Variants in AGBL1 observed in about 807,000 individuals in gnomAD.
AGBL1 encodes cytosolic carboxypeptidase 4.
AGBL1 carries 130 observed loss-of-function variants against 118.9 expected under a neutral mutation model. That is an observed-to-expected ratio of 1.09 (90% CI 0.95 to 1.26). AGBL1 has a LOEUF of 1.26. Ranked by LOEUF, AGBL1 falls within the 50% of genes most tolerant of loss-of-function variation. The pLI is 0.00. For synonymous variants in AGBL1, 555 were observed against 478.9 expected (o/e 1.16, Z -2.08); for missense variants, 1,584 against 1,298.1 (o/e 1.22, Z -3.38).
intron 13 of AGBL1, among the ~76,000 whole-genome samples, 157 bp downstream of exon 13, chr15:86,267,233 G>A (rs569204753): frequency 6.6e-6 from 1 of 152,278 alleles, no homozygotes; most frequent in South Asian, 2.1e-4. Context: ...AACAGTACGA[G>A]TGAAGGTTTT....
intron 18 of AGBL1, among the ~76,000 whole-genome samples, chr15:86,400,636 G>A (rs564733854): frequency 1.4e-5 from 2 of 143,028 alleles, no homozygotes; most frequent in South Asian, 4.4e-4. Flanking sequence ...AGTCCCCAAA[G>A]TCCAGTATAT....
intron 15 of AGBL1, among the ~76,000 whole-genome samples, chr15:86,272,302 G>T (rs965096530): frequency 6.6e-6 from 1 of 152,188 alleles, no homozygotes; most frequent in Admixed American, 6.5e-5. Context: ...TTTGATGAAA[G>T]AAATGCATTC....
intron 20 of AGBL1, 30 bp downstream of exon 20, chr15:86,546,163 A>T: frequency 6.3e-7 from 1 of 1,595,178 alleles, no homozygotes; most frequent in Non-Finnish European, 8.6e-7. Flanking sequence ...GACATCAGAC[A>T]TGCTGTGTTC....
At chr15:86,904,794 A>G (rs1489271267) in intron 22 of AGBL1, among the ~76,000 whole-genome samples, 1 of 150,378 alleles carries the variant, frequency 6.6e-6, no homozygotes, top group East Asian at 1.9e-4. Context: ...ATTAAAAAGT[A>G]ATTCCACAAA....
intron 18 of AGBL1, among the ~76,000 whole-genome samples, chr15:86,410,669 C>A (rs1450760263): frequency 6.7e-6 from 1 of 150,268 alleles, no homozygotes; most frequent in Non-Finnish European, 1.5e-5. Context: ...CTATGTTCTT[C>A]TCAATGGTAG....
intron 17 of AGBL1, among the ~76,000 whole-genome samples, chr15:86,343,003 AT>A (rs1293375640): frequency 1.3e-5 from 2 of 152,162 alleles, no homozygotes; most frequent in Non-Finnish European, 2.9e-5. Context: ...CACCATTCAG[AT>A]TGGCATATAC....
chr15:86,436,850 G>C (rs2082006269), intron 18 of AGBL1, among the ~76,000 whole-genome samples: 1 of 152,122 alleles, frequency 6.6e-6, no homozygotes, highest in Non-Finnish European at 1.5e-5. Flanking sequence ...TATGGTTCTG[G>C]AAAATAACTA....
chr15:86,099,371 G>T (rs1896571970), intron 1 of AGBL1, among the ~76,000 whole-genome samples: 2 of 152,060 alleles, frequency 1.3e-5, no homozygotes, highest in African/African-American at 4.8e-5. Flanking sequence ...TGTTATTGGT[G>T]TATAAAAATG....
At position 86,158,820 on chromosome 15, in the gene AGBL1, G is replaced by A; in HGVS notation, c.395-113G>A. The A allele has an allele frequency of 3.6e-6, 3 of 843,012 alleles. No individual in the cohort carries two copies. In the South Asian group the frequency reaches 4.5e-5, roughly 13 times the overall value. The allele number at this position is 843,012 out of a possible 1,614,324, so 52.2% of individuals were successfully genotyped here. ...GCAACCAGGGTGGAAAAGAAAGGGAGCTATCTTGTTTATCAAGTTGCCCCT... is the reference window on the plus strand; with the variant it reads ...GCAACCAGGGTGGAAAAGAAAGGGAACTATCTTGTTTATCAAGTTGCCCCT... On this transcript the variant is annotated intron_variant, in intron 4 of 22. Coordinates refer to ENST00000614907, the MANE Select transcript of AGBL1 (RefSeq NM_001386094.1).
Position 86,256,851 on chromosome 15 carries a change from A to G in AGBL1, c.736-2A>G, listed in dbSNP as rs540734125. 2 of 1,613,740 alleles carry G rather than the reference A, an allele frequency of 1.2e-6. No individual in the cohort carries two copies. Among genetic ancestry groups the G allele is most frequent in the Non-Finnish European group, 1.7e-6 (2 of 1,179,796 alleles). ...ATCTGATATAATCTTCCCTTTGCTC[A>G]GAACTGCCTGGATGACAAGAGCATG... On this transcript the variant is annotated splice_acceptor_variant, in intron 7 of 22. Transcript: ENST00000614907. LOFTEE classifies it high-confidence loss of function.
At chr15:86,172,004 C>T (rs560122771) in intron 5 of AGBL1, among the ~76,000 whole-genome samples, 13 of 152,130 alleles carry the variant, frequency 8.5e-5, no homozygotes, top group Non-Finnish European at 1.6e-4. Context: ...TGTGCAAAGT[C>T]ATAAGAATGT....
chr15:87,007,595 T>C (rs2081517901), intron 24 of AGBL1, among the ~76,000 whole-genome samples: 1 of 152,168 alleles, frequency 6.6e-6, no homozygotes, highest in South Asian at 2.1e-4. Flanking sequence ...GTGTTTTAGT[T>C]GAGAGATAAC....
At chr15:86,923,205 A>G (rs945282808) in intron 23 of AGBL1, among the ~76,000 whole-genome samples, 1 of 152,228 alleles carries the variant, frequency 6.6e-6, no homozygotes, top group Non-Finnish European at 1.5e-5. Flanking sequence ...GTGGGTAAAC[A>G]GATCTGTTGA....
intron 24 of AGBL1, among the ~76,000 whole-genome samples, chr15:87,027,212 A>C (rs1430552900): frequency 6.6e-6 from 1 of 152,094 alleles, no homozygotes; most frequent in African/African-American, 2.4e-5. Flanking sequence ...GAGAAATGGA[A>C]ATCAAAACCA....
intron 5 of AGBL1, among the ~76,000 whole-genome samples, chr15:86,213,210 A>G (rs964799078): frequency 2.0e-5 from 3 of 152,302 alleles, no homozygotes; most frequent in South Asian, 2.1e-4. Context: ...AGGAAAGAAG[A>G]ATGTTTATGA....
chr15:86,955,483 A>G (rs1473444564), intron 23 of AGBL1, among the ~76,000 whole-genome samples: 1 of 152,074 alleles, frequency 6.6e-6, no homozygotes, highest in African/African-American at 2.4e-5. Flanking sequence ...AAAAAGAACC[A>G]GACACAAATG....
rs1451257812 is a variant in AGBL1 at position 86,496,336 on chromosome 15, C to A, written c.2556-26474C>A. ...TCCTCAGCCATGTGGAACTGTGAGTCAATTAAACCTCTTTTGTTTGTAAAT... is the reference window on the plus strand; with the variant it reads ...TCCTCAGCCATGTGGAACTGTGAGTAAATTAAACCTCTTTTGTTTGTAAAT... On this transcript the variant is annotated intron_variant, in intron 18 of 22. Coordinates refer to ENST00000614907, the MANE Select transcript of AGBL1 (RefSeq NM_001386094.1). Among the ~76,000 whole-genome samples the A allele has an allele frequency of 2.6e-5, 4 of 152,108 alleles. No homozygotes were observed. In the East Asian group the frequency reaches 7.8e-4, roughly 30 times the overall value.
At chr15:86,363,236 A>G (rs531074288) in intron 17 of AGBL1, among the ~76,000 whole-genome samples, 7 of 152,144 alleles carry the variant, frequency 4.6e-5, no homozygotes, top group Middle Eastern at 3.4e-3. Flanking sequence ...TGCCAGATCA[A>G]TTTTTGTGTG....
At position 86,791,728 on chromosome 15, in the gene AGBL1, T is replaced by TATATATATA. The variant is rs1177264209; in HGVS notation, c.3159-115359_3159-115358insATATATATA. ...TTCTGAACTCATCTTTCCTTGTTTT[T>TATATATATA]TATATATATATATATATATATATTT... On this transcript the variant is annotated intron_variant, in intron 22 of 22. Transcript: ENST00000614907. 8.0e-3 allele frequency among the ~76,000 whole-genome samples: 1,143 copies of TATATATATA among 142,790 alleles called. 5 individuals carry two copies. The highest frequency in any genetic ancestry group is 0.014 in the East Asian group (67 of 4,870). 93.7% of individuals were successfully genotyped at this position (142,790 alleles called of 152,430 possible).
Sources: allele counts gnomAD v4.1 joint callset (sites outside exome capture counted in the v4.1 genomes callset), GRCh38; gene constraint gnomAD v4.1.1; transcripts MANE v1.5; gene names NCBI Gene and HGNC (gene_info 2026-07-23, HGNC 2026-07-21).